POLE: variants seen among roughly 807,000 people sequenced by gnomAD.
POLE encodes DNA polymerase epsilon, catalytic subunit.
Under a neutral mutation model 279.2 loss-of-function variants are expected in POLE, and 188 were observed. The ratio of observed to expected loss-of-function variants is 0.67; its 90% confidence interval spans 0.60 to 0.76. POLE has a LOEUF of 0.76. Among genes scored for constraint, POLE ranks in the 30% least tolerant of loss-of-function variants. The pLI, the probability that POLE is intolerant of heterozygous loss-of-function variation, is 0.00. For missense variants in POLE, 2,703 were observed against 3,016.7 expected, an observed-to-expected ratio of 0.90 and a Z score of 2.44; for synonymous variants, 1,214 against 1,172.5, an observed-to-expected ratio of 1.04 and a Z score of -0.72.
chr12:132,625,311 C>G, intron 47 of POLE: 1 of 725,594 alleles, frequency 1.4e-6, no homozygotes, highest in Non-Finnish European at 2.5e-6. Flanking sequence ...GGCGCGTCCC[C>G]CAGCCTCTGC....
chr12:132,676,243 T>C lies in POLE; in HGVS notation c.910-39A>G, dbSNP rs528260143. ...TTAGCAATCAGCACAAGTCAGAGGCTGCAAAGCCAAGAAATGGCGTTCCCA... is the reference window on the plus strand; with the variant it reads ...TTAGCAATCAGCACAAGTCAGAGGCCGCAAAGCCAAGAAATGGCGTTCCCA... On this transcript the variant is annotated intron_variant, in intron 9 of 48. Transcript: ENST00000320574. 4.2e-6 allele frequency: 6 copies of C among 1,431,596 alleles called. No homozygotes were observed. The South Asian group carries it at 5.8e-5, about 14-fold the overall frequency. The allele number at this position is 1,431,596 out of a possible 1,614,324, so 88.7% of individuals were successfully genotyped here.
rs2042107219 is a variant in POLE, at chr12:132,639,920, C to G, written c.5379-622G>C. ...CAAGATGGTGCCACTGCATTCCAGC[C>G]TGGGTGACAGAGTGAGACTGTCTCA... On this transcript the variant is annotated intron_variant, in intron 39 of 48. Coordinates refer to ENST00000320574, the MANE Select transcript of POLE (RefSeq NM_006231.4). This position sits in a 1 kb window ranked among gnomAD's most constrained non-coding sequence, Gnocchi z 4.7. 1.3e-5 allele frequency among the ~76,000 whole-genome samples: 2 copies of G among 152,106 alleles called. No individual in the cohort carries two copies. Among genetic ancestry groups the G allele is most frequent in the Admixed American group, 1.3e-4 (2 of 15,272 alleles).
Position 132,642,956 on chromosome 12 carries a change from G to A in POLE, c.4592C>T (p.Ser1531Leu), listed in dbSNP as rs1555222764. 2.5e-6 allele frequency: 4 copies of A among 1,609,138 alleles called. No homozygotes were observed. The highest frequency in any genetic ancestry group is 2.5e-6 in the Non-Finnish European group (3 of 1,178,568). ...NQMPSLGALYSAEHGLLLEKV... is the reference protein window; with the variant it reads ...NQMPSLGALYLAEHGLLLEKV... ...CTCCAGGAGGAGGCCGTGCTCTGCTGAGTACAGGGCGCCAAGGCTGGGCAT... is the reference window on the plus strand; with the variant it reads ...CTCCAGGAGGAGGCCGTGCTCTGCTAAGTACAGGGCGCCAAGGCTGGGCAT... Residue 1531 changes from serine (S) to leucine (L), a missense_variant, in exon 36 of 49, where the codon TCA becomes TTA. By Grantham distance (145) the Ser-to-Leu change is moderately radical. Coordinates refer to ENST00000320574, the MANE Select transcript of POLE (RefSeq NM_006231.4).
Position 132,672,234 on chromosome 12 carries a change from T to C in POLE, c.1775A>G (p.Gln592Arg). The change falls in exon 16 of 49, where the codon CAA becomes CGA. Residue 592 changes from glutamine (Q) to arginine (R), a missense_variant. Transcript: ENST00000320574. ...LEEEEKVPVE[Q>R]VTNFEEVCDE... ...GGTTACCTCTTCAAAGTTGGTGACT[T>C]GCTCCACAGGCACTTTCTCCTCTTC... is the stretch of plus-strand genomic sequence containing the variant. 1 of 1,613,952 alleles carries C rather than the reference T, an allele frequency of 6.2e-7. No homozygotes were observed. Among genetic ancestry groups the C allele is most frequent in the Non-Finnish European group, 8.5e-7 (1 of 1,179,784 alleles).
chr12:132,661,245 G>T lies in POLE; in HGVS notation c.2865-81C>A. 7.7e-7 allele frequency: 1 copy of T among 1,298,408 alleles called. No homozygotes were observed. The highest frequency in any genetic ancestry group is 1.1e-6 in the Non-Finnish European group (1 of 944,106). The allele number at this position is 1,298,408 out of a possible 1,614,324, so 80.4% of individuals were successfully genotyped here. A position where few individuals can be genotyped will look rare whatever the true frequency, so the allele number is the denominator to read the frequency against. Reference sequence around the variant, plus strand: ...CAGCTGTGCCTCATCCTCTCTGCCCGCCTCTTCCCTTTCCAACCCTCCACC... The same window carrying T: ...CAGCTGTGCCTCATCCTCTCTGCCCTCCTCTTCCCTTTCCAACCCTCCACC... On this transcript the variant is annotated intron_variant, in intron 24 of 48. Transcript: ENST00000320574. The surrounding 1 kb of genome is among the most constrained non-coding windows in gnomAD (Gnocchi z 4.1).
chr12:132,680,740 GA>G (rs1340786836), intron 2 of POLE, 53 bp from the exon 3 acceptor site: 1 of 1,398,346 alleles, frequency 7.2e-7, no homozygotes, highest in Non-Finnish European at 1.0e-6. Flanking sequence ...CACAGTTAGA[GA>G]AACTTTCCTC....
chr12:132,642,248 T>A lies in POLE; in HGVS notation c.5102A>T (p.Asp1701Val), dbSNP rs1565936830. ...ATCGAACTCCATGACAAGACAGTTG[T>A]CATCAGCCTCCTTTCCACCCAGGTC... ...RPDLGGKEAD[D>V]NCLVMEFDDQ... Residue 1701 changes from aspartate to valine, a missense_variant, in exon 38 of 49, where the codon GAC becomes GTC. Asp to Val is a radical substitution (Grantham distance 152). This residue lies in a region of POLE where 1,551 missense variants were observed against 1,686.1 expected (regional missense o/e 0.92). Coordinates refer to ENST00000320574, the MANE Select transcript of POLE (RefSeq NM_006231.4). 6.2e-7 allele frequency: 1 copy of A among 1,611,634 alleles called. No homozygotes were observed.
chr12:132,630,542 G>C (rs1396064101), intron 45 of POLE, among the ~76,000 whole-genome samples: 13 of 152,062 alleles, frequency 8.5e-5, no homozygotes, highest in Admixed American at 8.5e-4. Context: ...TTGAGGTCAG[G>C]AGTTCGAGAC....
intron 5 of POLE, 118 bp from the exon 6 acceptor site, chr12:132,679,769 G>T: frequency 8.2e-7 from 1 of 1,223,738 alleles, no homozygotes; most frequent in Non-Finnish European, 1.2e-6. Context: ...AAGGCACCTT[G>T]TCCAACTCTG....
intron 1 of POLE, among the ~76,000 whole-genome samples, chr12:132,683,061 A>T (rs144743062): frequency 6.6e-6 from 1 of 152,176 alleles, no homozygotes; most frequent in African/African-American, 2.4e-5. Flanking sequence ...GAATGACCAT[A>T]TTCCAAGACT....
chr12:132,643,478 C>G lies in POLE; in HGVS notation c.4373G>C (p.Trp1458Ser), dbSNP rs2138551552. The change falls in exon 34 of 49, where the codon TGG becomes TCG. Residue 1458 changes from tryptophan (W) to serine (S), a missense_variant. By Grantham distance (177) the Trp-to-Ser change is radical. Transcript: ENST00000320574. Reference protein sequence around the residue: ...NKQLVRHLSGWEAETFALEHL... With the variant: ...NKQLVRHLSGSEAETFALEHL... ...CTCAAGAGCAAAGGTCTCTGCTTCC[C>G]AGCCTGAAAGGTGCCTCACCAGCTG... 1 of 1,614,208 alleles carries G rather than the reference C, an allele frequency of 6.2e-7. No individual in the cohort carries two copies.
At chr12:132,674,678 G>A (rs1231473395) in intron 12 of POLE, among the ~76,000 whole-genome samples, 8 of 152,090 alleles carry the variant, frequency 5.3e-5, no homozygotes, top group African/African-American at 1.7e-4. Context: ...ACCGTCACAC[G>A]CTAAACCGGC....
chr12:132,643,263 G>A lies in POLE; in HGVS notation c.4512C>T (p.Ile1504=), dbSNP rs1593733701. The A allele has an allele frequency of 1.9e-6, 3 of 1,613,898 alleles. No homozygotes were observed. The highest frequency in any genetic ancestry group is 1.3e-5 in the African/African-American group (1 of 75,066). Residue 1504 remains isoleucine (I), a synonymous_variant, in exon 35 of 49, where the codon ATC becomes ATT. Coordinates refer to ENST00000320574, the MANE Select transcript of POLE (RefSeq NM_006231.4). ...QAHKALFGIF[I]PSQRRASVFV... is the part of the protein sequence containing the mutation. ...AGACGGATGCCCTGCGCTGTGAGGG[G>A]ATGAAGATCCCGAAGAGCGCTTTGT...
chr12:132,624,113 G>A lies in POLE; in HGVS notation c.*584C>T, dbSNP rs2041780545. The A allele has an allele frequency of 4.7e-6, 1 of 212,818 alleles. No individual in the cohort carries two copies. The highest frequency in any genetic ancestry group is 2.3e-5 in the African/African-American group (1 of 43,904). 13.2% of individuals were successfully genotyped at this position (212,818 alleles called of 1,614,324 possible). A position where few individuals can be genotyped will look rare whatever the true frequency, so the allele number is the denominator to read the frequency against. On this transcript the variant is annotated 3_prime_UTR_variant, in exon 49 of 49. Transcript: ENST00000320574. The stretch of plus-strand genomic sequence containing the variant: ...CTCTAGACCCGGCTCCAAATAAGCA[G>A]GGCTCACAAGCCAAAATCCAGATTC...
chr12:132,673,270 G>C lies in POLE; in HGVS notation c.1367C>G (p.Ala456Gly). Reference protein sequence around the residue: ...RMATEQPQTLATYSVSDAVAT... With the variant: ...RMATEQPQTLGTYSVSDAVAT... ...GACAGCATCTGACACAGAATACGTG[G>C]CCAGAGTCTGAGGAGAGAACGCCAG... The change falls in exon 14 of 49, where the codon GCC becomes GGC. Residue 456 changes from alanine to glycine, a missense_variant. Ala to Gly is a moderately conservative substitution (Grantham distance 60). Around this residue, in one of 5 missense-constraint regions of POLE, gnomAD observed 1,011 missense variants for 1,111.7 expected, o/e 0.91. Coordinates refer to ENST00000320574, the MANE Select transcript of POLE (RefSeq NM_006231.4). 1 of 1,604,520 alleles carries C rather than the reference G, an allele frequency of 6.2e-7. No individual in the cohort carries two copies. The highest frequency in any genetic ancestry group is 1.1e-5 in the South Asian group (1 of 90,872).
intron 29 of POLE, among the ~76,000 whole-genome samples, chr12:132,656,678 T>C (rs1308045170): frequency 6.6e-6 from 1 of 152,252 alleles, no homozygotes; most frequent in Non-Finnish European, 1.5e-5. Flanking sequence ...GTTCTTGTCA[T>C]GTGAGTTTGT....
intron 15 of POLE, 144 bp from the exon 16 acceptor site, chr12:132,672,466 C>T (rs975444267): frequency 2.0e-6 from 2 of 1,009,452 alleles, no homozygotes; most frequent in Non-Finnish European, 3.0e-6. Flanking sequence ...AGTGCACTGC[C>T]CTAAAGAAGC....
intron 9 of POLE, 155 bp downstream of exon 9, chr12:132,676,391 A>G: frequency 1.4e-6 from 1 of 706,312 alleles, no homozygotes; most frequent in Admixed American, 2.3e-5. Context: ...AGGGGAGGGT[A>G]CAGCTGGAGG....
rs372358148 is a variant in POLE at position 132,642,436 on chromosome 12, G to T, written c.4953-39C>A. 12 of 1,595,000 alleles carry T rather than the reference G, an allele frequency of 7.5e-6. No homozygotes were observed. The African/African-American group carries it at 1.1e-4, about 14-fold the overall frequency. On this transcript the variant is annotated intron_variant, in intron 37 of 48. Coordinates refer to ENST00000320574, the MANE Select transcript of POLE (RefSeq NM_006231.4). ...CAGGTCAGCACCGGGGCACATCGCC[G>T]GGTCACAGAGACCACCGAGGCCGGC... is the stretch of plus-strand genomic sequence containing the variant.
Sources: allele counts gnomAD v4.1 joint callset (sites outside exome capture counted in the v4.1 genomes callset), GRCh38; gene constraint gnomAD v4.1.1; regional missense constraint gnomAD v4.1.1; non-coding constraint Gnocchi (gnomAD v3.1); transcripts MANE v1.5; gene names NCBI Gene and HGNC (gene_info 2026-07-23, HGNC 2026-07-21).